MBD5: variants seen among roughly 807,000 people sequenced by gnomAD.
MBD5 encodes methyl-CpG-binding domain protein 5.
A neutral mutation model predicts 117.3 loss-of-function variants in MBD5; 13 were observed. That is an observed-to-expected ratio of 0.11 (90% confidence interval 0.07 to 0.18). The LOEUF is 0.18. MBD5 is among the 10% of genes least tolerant of loss of function. The pLI is 1.00. For missense variants in MBD5, 1,879 were observed against 2,093.8 expected (o/e 0.90, Z 2.00); for synonymous variants, 727 against 766.4 (o/e 0.95, Z 0.85).
intron 11 of MBD5, among the ~76,000 whole-genome samples, chr2:148,491,027 C>T (rs958371079): frequency 1.3e-5 from 2 of 152,226 alleles, no homozygotes; most frequent in Admixed American, 6.5e-5. Context: ...CAGGGGACGG[C>T]ATCTCCTCCA....
intron 3 of MBD5, among the ~76,000 whole-genome samples, chr2:148,274,732 T>TG (rs1375888670): frequency 1.3e-5 from 2 of 151,438 alleles, no homozygotes; most frequent in Non-Finnish European, 2.9e-5. Context: ...TTTGTTTTTT[T>TG]TTTTTTTGAG....
At position 148,483,991 on chromosome 2, in the gene MBD5, C is replaced by A. The variant is rs990231341; in HGVS notation, c.3400C>A (p.Leu1134Ile). 2 of 1,550,492 alleles carry A rather than the reference C, an allele frequency of 1.3e-6. No individual in the cohort carries two copies. The highest frequency in any genetic ancestry group is 1.7e-6 in the Non-Finnish European group (2 of 1,146,926). The change falls in exon 9 of 14, where the codon CTT becomes ATT. Residue 1134 changes from leucine (L) to isoleucine (I), a missense_variant. Physicochemically the swap from Leu to Ile is conservative, Grantham distance 5. Around this residue, in one of 4 missense-constraint regions of MBD5, gnomAD observed 1,666 missense variants for 1,792.2 expected, o/e 0.93. Transcript: ENST00000642680. ...AGTGGCAGCACTGACTGTCTCAACA[C>A]TTGGTGGGACAGCAGTGGTGTCAAT... Reference protein sequence around the residue: ...SAVAALTVSTLGGTAVVSMAE... With the variant: ...SAVAALTVSTIGGTAVVSMAE...
At chr2:148,034,969 A>G (rs561760723) in intron 1 of MBD5, among the ~76,000 whole-genome samples, 2 of 152,310 alleles carry the variant, frequency 1.3e-5, no homozygotes, top group Admixed American at 6.5e-5. Context: ...ATACTACAAT[A>G]TAGAACCTTT....
intron 2 of MBD5, among the ~76,000 whole-genome samples, chr2:148,200,423 G>T (rs916544543): frequency 1.3e-5 from 2 of 152,142 alleles, no homozygotes; most frequent in Non-Finnish European, 2.9e-5. Context: ...TGGGCGCGGT[G>T]GCTCATGCCT....
chr2:148,170,165 G>A (rs1026468603), intron 1 of MBD5, among the ~76,000 whole-genome samples: 15 of 152,130 alleles, frequency 9.9e-5, no homozygotes, highest in Admixed American at 2.6e-4. Context: ...CCAAAGTGCT[G>A]GGATTACAGG....
At chr2:148,410,995 C>G (rs1444223726) in intron 4 of MBD5, among the ~76,000 whole-genome samples, 1 of 152,154 alleles carries the variant, frequency 6.6e-6, no homozygotes, top group Middle Eastern at 3.4e-3. Flanking sequence ...AGTTTTTTGA[C>G]CTTCACCTTC....
chr2:148,274,305 G>A (rs1159572881), intron 3 of MBD5, among the ~76,000 whole-genome samples: 3 of 151,948 alleles, frequency 2.0e-5, no homozygotes, highest in Non-Finnish European at 4.4e-5. Context: ...AGGTATAGAC[G>A]TGCCATGGTG....
At chr2:148,110,396 T>C (rs1344730925) in intron 1 of MBD5, among the ~76,000 whole-genome samples, 1 of 152,208 alleles carries the variant, frequency 6.6e-6, no homozygotes. Flanking sequence ...AATTCTCTTT[T>C]CAGGTTCTTA....
chr2:148,195,122 A>G (rs1698946781), intron 2 of MBD5, among the ~76,000 whole-genome samples: 1 of 143,674 alleles, frequency 7.0e-6, no homozygotes, highest in South Asian at 2.1e-4. Context: ...GGCTTTTTGT[A>G]GGGGGTTAGA....
chr2:148,137,311 T>C (rs930026950), intron 1 of MBD5, among the ~76,000 whole-genome samples: 6 of 152,188 alleles, frequency 3.9e-5, no homozygotes, highest in African/African-American at 1.4e-4. Flanking sequence ...AAATCTGTCA[T>C]CACTGACCAC....
Position 148,469,225 on chromosome 2 carries a change from C to G in MBD5, c.1282C>G (p.His428Asp). The part of the protein sequence containing the change: ...NHGSHVQRVQ[H>D]SASTSLSPSP... Reference sequence around the variant, plus strand: ...TGGGAGTCATGTACAAAGAGTTCAGCATTCAGCTTCAACCTCCCTGTCCCC... The same window carrying G: ...TGGGAGTCATGTACAAAGAGTTCAGGATTCAGCTTCAACCTCCCTGTCCCC... Residue 428 changes from histidine (H) to aspartate (D), a missense_variant, in exon 8 of 14, where the codon CAT becomes GAT. By Grantham distance (81) the His-to-Asp change is moderately conservative. Around this residue, in one of 4 missense-constraint regions of MBD5, gnomAD observed 1,666 missense variants for 1,792.2 expected, o/e 0.93. Coordinates refer to ENST00000642680, the MANE Select transcript of MBD5 (RefSeq NM_001378120.1). The G allele has an allele frequency of 6.2e-7, 1 of 1,614,042 alleles. No homozygotes were observed. Among genetic ancestry groups the G allele is most frequent in the South Asian group, 1.1e-5 (1 of 91,086 alleles).
chr2:148,229,111 C>G (rs1156413135), intron 2 of MBD5, among the ~76,000 whole-genome samples: 1 of 151,498 alleles, frequency 6.6e-6, no homozygotes, highest in Non-Finnish European at 1.5e-5. Flanking sequence ...CTATTTCCTT[C>G]TGATCTTAGT....
intron 4 of MBD5, among the ~76,000 whole-genome samples, chr2:148,415,479 C>G (rs983467576): frequency 6.6e-6 from 1 of 152,058 alleles, no homozygotes; most frequent in Non-Finnish European, 1.5e-5. Context: ...TGCAGGGGTT[C>G]TTGGCATTCC....
chr2:148,142,603 A>T (rs1055512815), intron 1 of MBD5, among the ~76,000 whole-genome samples: 1 of 152,166 alleles, frequency 6.6e-6, no homozygotes, highest in African/African-American at 2.4e-5. Flanking sequence ...ATAAACAAGT[A>T]AATCAAGAAA....
chr2:148,509,992 T>C (rs1682168446), intron 12 of MBD5, 68 bp from the exon 13 acceptor site: 2 of 1,272,190 alleles, frequency 1.6e-6, no homozygotes, highest in African/African-American at 3.0e-5. Context: ...TGTTTTCTGA[T>C]TAGGAAATTA....
At chr2:148,379,265 G>A (rs560159092) in intron 4 of MBD5, among the ~76,000 whole-genome samples, 83 of 152,076 alleles carry the variant, frequency 5.5e-4, no homozygotes, top group Non-Finnish European at 9.1e-4. Context: ...CAGCTTAAGG[G>A]GGAAAAAACA....
chr2:148,495,974 G>A (rs1268350527), intron 11 of MBD5, among the ~76,000 whole-genome samples: 1 of 152,190 alleles, frequency 6.6e-6, no homozygotes, highest in Non-Finnish European at 1.5e-5. Flanking sequence ...AACTTTGGGA[G>A]GTGCGTCCTC....
intron 2 of MBD5, among the ~76,000 whole-genome samples, chr2:148,228,205 G>C (rs4399670): frequency 0.3 from 45,598 of 151,988 alleles, 7,322 homozygotes; most frequent in South Asian, 0.43. Context: ...CAAAGGGAAT[G>C]CTTCCAGTTT....
intron 8 of MBD5, among the ~76,000 whole-genome samples, chr2:148,482,564 A>G (rs963996949): frequency 1.3e-5 from 2 of 152,172 alleles, no homozygotes; most frequent in African/African-American, 4.8e-5. Flanking sequence ...AAAGCTATAA[A>G]CTAAAATGTT....
Sources: allele counts gnomAD v4.1 joint callset (sites outside exome capture counted in the v4.1 genomes callset), GRCh38; gene constraint gnomAD v4.1.1; regional missense constraint gnomAD v4.1.1; transcripts MANE v1.5; gene names NCBI Gene and HGNC (gene_info 2026-07-23, HGNC 2026-07-21).